Variants in KHDRBS2 observed in about 807,000 individuals in gnomAD.
KHDRBS2 encodes the protein KH RNA binding domain containing, signal transduction associated 2.
KHDRBS2 carries 26 observed loss-of-function variants against 44.3 expected under a neutral mutation model. The ratio of observed to expected loss-of-function variants is 0.59; its 90% CI spans 0.43 to 0.81. The LOEUF is 0.81. KHDRBS2 is among the 40% of genes least tolerant of loss of function. The pLI is 0.00. For missense variants in KHDRBS2, 476 were observed against 433.1 expected (o/e 1.10, Z -0.88); for synonymous variants, 194 against 151.1 (o/e 1.28, Z -2.08).
At chr6:62,087,631 C>T (rs1416807338) in intron 2 of KHDRBS2, among the ~76,000 whole-genome samples, 1 of 152,056 alleles carries the variant, frequency 6.6e-6, no homozygotes, top group Non-Finnish European at 1.5e-5. Context: ...AACATTTTTT[C>T]CTTTATTTCA....
chr6:61,945,141 A>ATG (rs1813081952), intron 4 of KHDRBS2, among the ~76,000 whole-genome samples: 1 of 111,270 alleles, frequency 9.0e-6, no homozygotes, highest in Non-Finnish European at 1.9e-5. Context: ...ATATATATAT[A>ATG]TATATATATA....
chr6:61,629,581 TAA>T, the KHDRBS2 span, among the ~76,000 whole-genome samples: 1 of 152,142 alleles, frequency 6.6e-6, no homozygotes, highest in Non-Finnish European at 1.5e-5. Flanking sequence ...TAAAGAAAGA[TAA>T]AGTCCTATAA....
chr6:62,193,865 T>C (rs1825096857), intron 1 of KHDRBS2, among the ~76,000 whole-genome samples: 1 of 152,136 alleles, frequency 6.6e-6, no homozygotes, highest in Admixed American at 6.6e-5. Flanking sequence ...CATTGTAAAT[T>C]TGCTACCTTC....
the KHDRBS2 span, among the ~76,000 whole-genome samples, chr6:61,543,450 T>A: frequency 1.2e-4 from 18 of 151,910 alleles, no homozygotes; most frequent in Non-Finnish European, 1.8e-4. Context: ...CAATGACAAA[T>A]GCTGACAAGG....
intron 6 of KHDRBS2, among the ~76,000 whole-genome samples, chr6:61,835,743 G>A (rs2127266700): frequency 6.7e-6 from 1 of 149,736 alleles, no homozygotes; most frequent in Non-Finnish European, 1.5e-5. Flanking sequence ...GTGTGTGCAT[G>A]AGAGAGAAAG....
intron 7 of KHDRBS2, among the ~76,000 whole-genome samples, chr6:61,704,276 T>A (rs1412462320): frequency 6.6e-6 from 1 of 151,868 alleles, no homozygotes; most frequent in Non-Finnish European, 1.5e-5. Flanking sequence ...TAAATGGGGC[T>A]GAAAAAGGCT....
At chr6:61,558,907 A>G in the KHDRBS2 span, among the ~76,000 whole-genome samples, 1 of 152,090 alleles carries the variant, frequency 6.6e-6, no homozygotes, top group African/African-American at 2.4e-5. Context: ...ATTGGTTGAA[A>G]CGTTTTGTAA....
the KHDRBS2 span, among the ~76,000 whole-genome samples, chr6:61,583,426 T>C: frequency 6.6e-6 from 1 of 151,806 alleles, no homozygotes; most frequent in Non-Finnish European, 1.5e-5. Flanking sequence ...AATAAAGCTA[T>C]TATGAATTCA....
At chr6:61,613,239 T>C in the KHDRBS2 span, among the ~76,000 whole-genome samples, 2 of 152,222 alleles carry the variant, frequency 1.3e-5, no homozygotes, top group African/African-American at 2.4e-5. Flanking sequence ...AAGAACCTTG[T>C]GTGGCATATT....
At chr6:62,043,125 C>G (rs1187137840) in intron 3 of KHDRBS2, among the ~76,000 whole-genome samples, 1 of 152,070 alleles carries the variant, frequency 6.6e-6, no homozygotes, top group Non-Finnish European at 1.5e-5. Context: ...TCTAACCCCT[C>G]TAACCTTTTT....
chr6:61,954,156 T>C (rs1345073598), intron 4 of KHDRBS2, among the ~76,000 whole-genome samples: 2 of 152,064 alleles, frequency 1.3e-5, no homozygotes. Flanking sequence ...TAGTATGTCA[T>C]TGTTTCCAGA....
At chr6:62,035,278 G>A (rs908796187) in intron 3 of KHDRBS2, among the ~76,000 whole-genome samples, 3 of 151,928 alleles carry the variant, frequency 2.0e-5, no homozygotes, top group African/African-American at 7.2e-5. Context: ...AGAAAATGTG[G>A]TACTTATACA....
intron 2 of KHDRBS2, among the ~76,000 whole-genome samples, chr6:62,051,924 C>T (rs1030114764): frequency 4.6e-5 from 7 of 151,930 alleles, no homozygotes; most frequent in Admixed American, 2.6e-4. Flanking sequence ...AAAACCACTA[C>T]GAGATACCAC....
intron 5 of KHDRBS2, among the ~76,000 whole-genome samples, chr6:61,895,964 G>A (rs1213722939): frequency 1.3e-5 from 2 of 152,116 alleles, no homozygotes; most frequent in African/African-American, 2.4e-5. Context: ...ATAGATTACA[G>A]AGCTGATGAA....
rs779680813 is a variant in KHDRBS2, at chr6:62,215,805, T to C, written c.92-38493A>G. On this transcript the variant is annotated intron_variant, in intron 1 of 8. Coordinates refer to ENST00000281156, the MANE Select transcript of KHDRBS2 (RefSeq NM_152688.4). ...CATAGGTTTTATAATCATGAGGACT[T>C]ATGTTGAAGAAGCCAAAGTTGCAAA... Among the ~76,000 whole-genome samples, 54 of 151,776 alleles carry C rather than the reference T, an allele frequency of 3.6e-4. 1 individual carries two copies. Among genetic ancestry groups the C allele is most frequent in the Non-Finnish European group, 5.5e-4 (37 of 67,768 alleles).
chr6:61,901,316 C>A lies in KHDRBS2; in HGVS notation c.539G>T (p.Gly180Val), dbSNP rs1258889534. Reference sequence around the variant, plus strand: ...TCTGCCACGACCAGAGTCCTCTGAGCCATTTAAGTAAGATAATTCACGTAG... The same window carrying A: ...TCTGCCACGACCAGAGTCCTCTGAGACATTTAAGTAAGATAATTCACGTAG... ...EQLRELSYLN[G>V]SEDSGRGRGI... The change falls in exon 5 of 9, where the codon GGC (glycine) becomes GTC (valine). Residue 180 changes from glycine to valine, a missense_variant. Coordinates refer to ENST00000281156, the MANE Select transcript of KHDRBS2 (RefSeq NM_152688.4). 1 of 1,612,938 alleles carries A rather than the reference C, an allele frequency of 6.2e-7. No homozygotes were observed. The highest frequency in any genetic ancestry group is 8.5e-7 in the Non-Finnish European group (1 of 1,179,216).
rs555218414 is a variant in KHDRBS2 at position 61,745,514 on chromosome 6, T to A, written c.811-12750A>T. 2.0e-5 allele frequency among the ~76,000 whole-genome samples: 3 copies of A among 152,284 alleles called. No homozygotes were observed. In the South Asian group the frequency reaches 6.2e-4, roughly 32 times the overall value. On this transcript the variant is annotated intron_variant, in intron 6 of 8. Coordinates refer to ENST00000281156, the MANE Select transcript of KHDRBS2 (RefSeq NM_152688.4). ...TGTAGGCATCCTTGCTGCTTCAGGA[T>A]AGAACCCAAAGCAAATGCTGTAAAG...
intron 2 of KHDRBS2, among the ~76,000 whole-genome samples, chr6:62,057,194 C>G (rs1790488509): frequency 6.6e-6 from 1 of 151,814 alleles, no homozygotes; most frequent in South Asian, 2.1e-4. Flanking sequence ...CTACCATTTG[C>G]TCTTGCTCAA....
At chr6:61,913,335 C>A (rs149677322) in intron 4 of KHDRBS2, among the ~76,000 whole-genome samples, 16 of 151,884 alleles carry the variant, frequency 1.1e-4, no homozygotes, top group African/African-American at 3.6e-4. Context: ...TTATATTGTT[C>A]TAAGATGTGG....
Sources: gnomAD v4.1 joint callset for allele counts (sites outside exome capture counted in the v4.1 genomes callset) on GRCh38, gnomAD v4.1.1 for gene constraint, MANE v1.5 for transcripts, NCBI Gene and HGNC (gene_info 2026-07-23, HGNC 2026-07-21) for gene names.